Variants in PTGS1 observed in about 807,000 individuals in gnomAD.
The protein encoded by PTGS1 is prostaglandin-endoperoxide synthase 1.
A neutral mutation model predicts 63.0 loss-of-function variants in PTGS1; 40 were observed. The ratio of observed to expected loss-of-function variants is 0.63; its 90% CI spans 0.49 to 0.83. The LOEUF (loss-of-function observed/expected upper bound fraction) is 0.83, where lower values mean the gene tolerates loss of function less well. PTGS1 is among the 40% of genes least tolerant of loss of function. The pLI is 0.00. For synonymous variants in PTGS1, 298 were observed against 301.9 expected (o/e 0.99, Z 0.13); for missense variants, 709 against 786.5 (o/e 0.90, Z 1.18).
At position 122,371,204 on chromosome 9, in the gene PTGS1, T is replaced by G; in HGVS notation, c.26T>G (p.Phe9Cys). Residue 9 changes from phenylalanine to cysteine, a missense_variant, in exon 2 of 11, where the codon TTC becomes TGC. Phe to Cys is a radical substitution (Grantham distance 205). Coordinates refer to ENST00000362012, the MANE Select transcript of PTGS1 (RefSeq NM_000962.4). The part of the protein sequence containing the change: MSRSLLLW[F>C]LLFLLLLPPL... ...TCTGCAGGGAGTCTCTTGCTCTGGT[T>G]CTTGCTGTTCCTGCTCCTGCTCCCG... is the stretch of plus-strand genomic sequence containing the variant. 1 of 1,608,628 alleles carries G rather than the reference T, an allele frequency of 6.2e-7. No homozygotes were observed. Among genetic ancestry groups the G allele is most frequent in the Non-Finnish European group, 8.5e-7 (1 of 1,179,914 alleles).
chr9:122,381,551 G>T lies in PTGS1; in HGVS notation c.677G>T (p.Gly226Val). 2 of 1,614,182 alleles carry T rather than the reference G, an allele frequency of 1.2e-6. No homozygotes were observed. Among genetic ancestry groups the T allele is most frequent in the Non-Finnish European group, 1.7e-6 (2 of 1,180,016 alleles). Reference protein sequence around the residue: ...GPGFTKALGHGVDLGHIYGDN... With the variant: ...GPGFTKALGHVVDLGHIYGDN... ...GGCTTCACCAAGGCCTTGGGCCATG[G>T]GGTGAGTACCTAGGAGGGGCTCAGG... The change falls in exon 6 of 11, where the codon GGG becomes GTG. Residue 226 changes from glycine to valine, a missense_variant and splice_region_variant. Physicochemically the swap from Gly to Val is moderately radical, Grantham distance 109. Coordinates refer to ENST00000362012, the MANE Select transcript of PTGS1 (RefSeq NM_000962.4).
Position 122,383,635 on chromosome 9 carries a change from C to T in PTGS1, c.889C>T (p.Leu297Phe). ...GQEVFGLLPG[L>F]MLYATLWLRE... ...GGAGGTGTTTGGGCTGCTTCCTGGGCTCATGCTGTATGCCACGCTCTGGCT... is the reference window on the plus strand; with the variant it reads ...GGAGGTGTTTGGGCTGCTTCCTGGGTTCATGCTGTATGCCACGCTCTGGCT... Residue 297 changes from leucine to phenylalanine, a missense_variant, in exon 8 of 11, where the codon CTC (leucine) becomes TTC (phenylalanine). By Grantham distance (22) the Leu-to-Phe change is conservative. Transcript: ENST00000362012. 6.2e-7 allele frequency: 1 copy of T among 1,614,172 alleles called. No homozygotes were observed. The highest frequency in any genetic ancestry group is 1.3e-5 in the African/African-American group (1 of 75,048).
Position 122,371,058 on chromosome 9 carries a change from TG to T in PTGS1, c.-26del. The T allele has an allele frequency of 6.3e-7, 1 of 1,587,662 alleles. No homozygotes were observed. Among genetic ancestry groups the T allele is most frequent in the Non-Finnish European group, 8.5e-7 (1 of 1,174,206 alleles). On this transcript the variant is annotated 5_prime_UTR_variant, in exon 1 of 11. Transcript: ENST00000362012. ...GGCGCACGCACAGGAGCCTGCACTC[TG>T]CGTCCCGCACCCCAGCAGCCGCGCC...
At chr9:122,372,070 A>G (rs1836841538) in intron 2 of PTGS1, among the ~76,000 whole-genome samples, 1 of 151,994 alleles carries the variant, frequency 6.6e-6, no homozygotes, top group East Asian at 1.9e-4. Context: ...CGCTCAGCCA[A>G]CCTTCCTCCC....
chr9:122,379,838 C>A (rs1313961823), intron 5 of PTGS1, among the ~76,000 whole-genome samples: 1 of 152,168 alleles, frequency 6.6e-6, no homozygotes, highest in Non-Finnish European at 1.5e-5. Context: ...GGAACCCAGT[C>A]AGCCATCTTA....
rs5787 is a variant in PTGS1 at position 122,378,544 on chromosome 9, G to A, written c.323G>A (p.Arg108Gln). 61 of 1,614,180 alleles carry A rather than the reference G, an allele frequency of 3.8e-5. No homozygotes were observed. The highest frequency in any genetic ancestry group is 1.9e-4 in the South Asian group (17 of 91,080). ...GAGTTTGTCAATGCCACCTTCATCC[G>A]AGAGATGCTCATGCGCCTGGTACTC... ...FWEFVNATFI[R>Q]EMLMRLVLTV... Residue 108 changes from arginine (R) to glutamine (Q), a missense_variant, in exon 4 of 11, where the codon CGA becomes CAA. Coordinates refer to ENST00000362012, the MANE Select transcript of PTGS1 (RefSeq NM_000962.4).
intron 10 of PTGS1, among the ~76,000 whole-genome samples, chr9:122,391,398 CA>C (rs1322474105): frequency 3.2e-5 from 3 of 93,180 alleles, no homozygotes; most frequent in Admixed American, 1.6e-4. Flanking sequence ...TATATATATA[CA>C]TATATATATA....
chr9:122,378,015 C>A lies in PTGS1; in HGVS notation c.211C>A (p.Pro71Thr). Reference sequence around the variant, plus strand: ...CTATTCCGGCCCCAACTGCACCATCCGTGAGCTGGGCCTTCAGCCCTCACT... The same window carrying A: ...CTATTCCGGCCCCAACTGCACCATCAGTGAGCTGGGCCTTCAGCCCTCACT... The part of the protein sequence containing the change: ...TGYSGPNCTI[P>T]GLWTWLRNSL... Residue 71 changes from proline to threonine, a missense_variant and splice_region_variant, in exon 3 of 11, where the codon CCT (proline) becomes ACT (threonine). Coordinates refer to ENST00000362012, the MANE Select transcript of PTGS1 (RefSeq NM_000962.4). 1 of 1,611,488 alleles carries A rather than the reference C, an allele frequency of 6.2e-7. No individual in the cohort carries two copies.
chr9:122,392,766 G>A lies in PTGS1; in HGVS notation c.*222G>A. 4.0e-6 allele frequency: 2 copies of A among 497,212 alleles called. No homozygotes were observed. Among genetic ancestry groups the A allele is most frequent in the Non-Finnish European group, 7.1e-6 (2 of 281,842 alleles). The allele number at this position is 497,212 out of a possible 1,614,324, so 30.8% of individuals were successfully genotyped here. ...TTGTTAGCCCTTCAGATTGTTAGGAGTGGTTCTCATTTGGTCTGCCAGAAT... is the reference window on the plus strand; with the variant it reads ...TTGTTAGCCCTTCAGATTGTTAGGAATGGTTCTCATTTGGTCTGCCAGAAT... On this transcript the variant is annotated 3_prime_UTR_variant, in exon 11 of 11. Transcript: ENST00000362012.
intron 8 of PTGS1, 91 bp from the exon 9 acceptor site, chr9:122,386,355 C>G: frequency 1.5e-6 from 2 of 1,375,178 alleles, no homozygotes; most frequent in Non-Finnish European, 2.0e-6. Flanking sequence ...AGACCAAAAG[C>G]AAGCACCTCT....
rs756724486 is a variant in PTGS1 at position 122,392,840 on chromosome 9, G to GT, written c.*297dup. The GT allele has an allele frequency of 1.6e-5, 5 of 311,434 alleles. No homozygotes were observed. Among genetic ancestry groups the GT allele is most frequent in the Non-Finnish European group, 3.0e-5 (5 of 168,012 alleles). 19.3% of individuals were successfully genotyped at this position (311,434 alleles called of 1,614,324 possible). A position where few individuals can be genotyped will look rare whatever the true frequency, so the allele number is the denominator to read the frequency against. Reference sequence around the variant, plus strand: ...AGAATGTCAGATTTCTGGTTGATTTGTAACACAGTCATTCTAGGATGTGGA... The same window carrying GT: ...AGAATGTCAGATTTCTGGTTGATTTGTTAACACAGTCATTCTAGGATGTGGA... On this transcript the variant is annotated 3_prime_UTR_variant, in exon 11 of 11. Coordinates refer to ENST00000362012, the MANE Select transcript of PTGS1 (RefSeq NM_000962.4).
At chr9:122,392,091 T>C (rs1293630680) in intron 10 of PTGS1, 98 bp from the exon 11 acceptor site, 4 of 1,037,044 alleles carry the variant, frequency 3.9e-6, no homozygotes, top group Admixed American at 2.8e-5. Flanking sequence ...GAGTCCCTAT[T>C]ATCCCCAGAA....
intron 2 of PTGS1, among the ~76,000 whole-genome samples, chr9:122,376,649 C>T (rs778641415): frequency 6.6e-6 from 1 of 152,170 alleles, no homozygotes; most frequent in Admixed American, 6.5e-5. Context: ...GTAACGTTGG[C>T]TCTGAGCCCA....
At chr9:122,375,349 C>A in intron 2 of PTGS1, 1 of 985,490 alleles carries the variant, frequency 1.0e-6, no homozygotes, top group South Asian at 4.7e-5. Flanking sequence ...CCTGCCGAGG[C>A]AGAGCTCTAG....
intron 5 of PTGS1, among the ~76,000 whole-genome samples, chr9:122,380,421 C>T (rs1033432020): frequency 9.2e-5 from 14 of 151,842 alleles, no homozygotes; most frequent in South Asian, 2.1e-4. Context: ...GCCATAATTG[C>T]GGCACTGCAC....
At chr9:122,384,062 A>G (rs568333270) in intron 8 of PTGS1, among the ~76,000 whole-genome samples, 147 of 152,206 alleles carry the variant, frequency 9.7e-4, no homozygotes, top group African/African-American at 3.2e-3. Flanking sequence ...AGCACATTTG[A>G]TTAGCCACCC....
chr9:122,381,938 G>A (rs1374132482), intron 7 of PTGS1, among the ~76,000 whole-genome samples, 191 bp downstream of exon 7: 1 of 152,184 alleles, frequency 6.6e-6, no homozygotes, highest in Non-Finnish European at 1.5e-5. Context: ...GAGCAGACGT[G>A]GCCTCCCATG....
At chr9:122,374,654 G>A (rs1238046359) in intron 2 of PTGS1, among the ~76,000 whole-genome samples, 1 of 152,188 alleles carries the variant, frequency 6.6e-6, no homozygotes, top group African/African-American at 2.4e-5. Flanking sequence ...CTTCCTGTAC[G>A]AATACTTCCT....
Position 122,371,173 on chromosome 9 carries a change from C to G in PTGS1, c.8-13C>G. ...GAATGCCAGGCTCAGCCCCTCATCT[C>G]TCTCCTCTGCAGGGAGTCTCTTGCT... On this transcript the variant is annotated splice_polypyrimidine_tract_variant and intron_variant, in intron 1 of 10. Coordinates refer to ENST00000362012, the MANE Select transcript of PTGS1 (RefSeq NM_000962.4). 6.2e-7 allele frequency: 1 copy of G among 1,608,790 alleles called. No individual in the cohort carries two copies.
Sources: allele counts gnomAD v4.1 joint callset (sites outside exome capture counted in the v4.1 genomes callset), GRCh38; gene constraint gnomAD v4.1.1; transcripts MANE v1.5; gene names NCBI Gene and HGNC (gene_info 2026-07-23, HGNC 2026-07-21).